Variants in GLIS3 observed in about 807,000 individuals in gnomAD.
GLIS3 encodes the protein GLIS family zinc finger 3, also known as zinc finger protein GLIS3.
GLIS3 carries 53 observed loss-of-function variants against 78.6 expected under a neutral mutation model. The ratio of observed to expected loss-of-function variants is 0.67; its 90% CI spans 0.54 to 0.85. GLIS3 has a LOEUF of 0.85. Ranked by LOEUF, GLIS3 falls within the 40% of genes least tolerant of loss-of-function variation. The pLI is 0.00. For synonymous variants in GLIS3, 684 were observed against 509.9 expected, an observed-to-expected ratio of 1.34 and a Z score of -4.60; for missense variants, 1,703 against 1,231.1, an observed-to-expected ratio of 1.38 and a Z score of -5.74.
chr9:4,437,740 C>T, the GLIS3 span, among the ~76,000 whole-genome samples: 1 of 152,158 alleles, frequency 6.6e-6, no homozygotes, highest in Non-Finnish European at 1.5e-5. Context: ...CAAGACCAAA[C>T]CCACCTCTTC....
intron 2 of GLIS3, among the ~76,000 whole-genome samples, chr9:4,254,024 C>T (rs1013485954): frequency 2.0e-5 from 3 of 152,198 alleles, no homozygotes; most frequent in Non-Finnish European, 4.4e-5. Context: ...TTGGGAGCTG[C>T]AGACCTGAGT....
intron 2 of GLIS3, among the ~76,000 whole-genome samples, chr9:4,203,154 A>C (rs988617648): frequency 1.3e-5 from 2 of 152,216 alleles, no homozygotes; most frequent in South Asian, 2.1e-4. Flanking sequence ...TTTACCAAAA[A>C]ATGGGCACAA....
chr9:4,359,184 G>A, the GLIS3 span, among the ~76,000 whole-genome samples: 8 of 152,004 alleles, frequency 5.3e-5, no homozygotes, highest in East Asian at 3.9e-4. Context: ...CACCCTAAAC[G>A]TTCAGGAACG....
intron 6 of GLIS3, among the ~76,000 whole-genome samples, chr9:3,910,098 A>G (rs905042567): frequency 6.6e-6 from 1 of 152,212 alleles, no homozygotes; most frequent in Non-Finnish European, 1.5e-5. Context: ...CATCATTTAA[A>G]AAGTTTTGCT....
chr9:4,247,245 A>T (rs1176880509), intron 2 of GLIS3, among the ~76,000 whole-genome samples: 1 of 152,200 alleles, frequency 6.6e-6, no homozygotes, highest in Non-Finnish European at 1.5e-5. Flanking sequence ...CAGACTCATC[A>T]AGCAGTTGTT....
At chr9:3,863,234 G>A (rs1820341540) in intron 8 of GLIS3, among the ~76,000 whole-genome samples, 1 of 152,168 alleles carries the variant, frequency 6.6e-6, no homozygotes, top group Non-Finnish European at 1.5e-5. Flanking sequence ...GGTGACTATA[G>A]TATCTACTTA....
At chr9:4,413,724 C>T in the GLIS3 span, among the ~76,000 whole-genome samples, 29 of 152,180 alleles carry the variant, frequency 1.9e-4, no homozygotes, top group African/African-American at 6.0e-4. Flanking sequence ...TCATTTGAGA[C>T]CCATGTTCCC....
At position 3,828,241 on chromosome 9, in the gene GLIS3, C is replaced by A; in HGVS notation, c.*31G>T. The A allele has an allele frequency of 1.9e-6, 3 of 1,613,718 alleles. No individual in the cohort carries two copies. On this transcript the variant is annotated 3_prime_UTR_variant, in exon 11 of 11. Coordinates refer to ENST00000381971, the MANE Select transcript of GLIS3 (RefSeq NM_001042413.2). ...AAAAGGTGGCAAGCAACATCAAGGT[C>A]CTGGGTGTGCAGGAGTGGCCAAGAG...
At chr9:4,074,673 T>G (rs1169303775) in intron 4 of GLIS3, among the ~76,000 whole-genome samples, 1 of 152,190 alleles carries the variant, frequency 6.6e-6, no homozygotes, top group African/African-American at 2.4e-5. Context: ...GAAGCCAAGT[T>G]TGGGGCCCCA....
chr9:4,254,645 G>A (rs1028855228), intron 2 of GLIS3, among the ~76,000 whole-genome samples: 2 of 152,022 alleles, frequency 1.3e-5, no homozygotes, highest in Non-Finnish European at 2.9e-5. Context: ...TTCAAGACCA[G>A]CCTGGCCAAC....
At chr9:4,262,999 C>T (rs1825666027) in intron 2 of GLIS3, among the ~76,000 whole-genome samples, 1 of 151,494 alleles carries the variant, frequency 6.6e-6, no homozygotes, top group Non-Finnish European at 1.5e-5. Context: ...CCCCAGGGTG[C>T]CTTCAGAGAA....
chr9:4,088,037 G>T (rs1336199498), intron 4 of GLIS3, among the ~76,000 whole-genome samples: 2 of 152,116 alleles, frequency 1.3e-5, no homozygotes, highest in Non-Finnish European at 2.9e-5. Context: ...TGCCATAGTC[G>T]AACTCAGCTC....
At chr9:3,984,305 C>A (rs1050280930) in intron 4 of GLIS3, among the ~76,000 whole-genome samples, 1 of 152,240 alleles carries the variant, frequency 6.6e-6, no homozygotes, top group African/African-American at 2.4e-5. Flanking sequence ...GGACGCTATA[C>A]CCCGCAAAGC....
intron 8 of GLIS3, among the ~76,000 whole-genome samples, chr9:3,856,593 CACAA>C (rs1379271455): frequency 6.6e-6 from 1 of 152,158 alleles, no homozygotes; most frequent in Non-Finnish European, 1.5e-5. Context: ...ACACTTAGCT[CACAA>C]ACATTTTGTT....
chr9:4,367,361 G>C, the GLIS3 span, among the ~76,000 whole-genome samples: 1 of 151,998 alleles, frequency 6.6e-6, no homozygotes, highest in Non-Finnish European at 1.5e-5. Context: ...ATCTGTCTAA[G>C]TCTTACATAT....
At chr9:4,388,560 C>T in the GLIS3 span, among the ~76,000 whole-genome samples, 1 of 152,104 alleles carries the variant, frequency 6.6e-6, no homozygotes, top group African/African-American at 2.4e-5. Context: ...CCTGTAATCC[C>T]AGCTACGCAG....
intron 4 of GLIS3, among the ~76,000 whole-genome samples, chr9:4,033,878 A>AAC (rs1161545987): frequency 3.5e-4 from 52 of 150,652 alleles, no homozygotes; most frequent in Non-Finnish European, 6.4e-4. Context: ...AAAAAAAAAA[A>AAC]AAAAAAAAAA....
At chr9:4,366,024 G>C in the GLIS3 span, among the ~76,000 whole-genome samples, 1 of 152,192 alleles carries the variant, frequency 6.6e-6, no homozygotes, top group Non-Finnish European at 1.5e-5. Flanking sequence ...AGCAGGGAAG[G>C]AAAGGCCGTT....
the GLIS3 span, among the ~76,000 whole-genome samples, chr9:4,466,058 A>G: frequency 9.2e-4 from 140 of 152,316 alleles, 1 homozygote; most frequent in African/African-American, 3.2e-3. Flanking sequence ...ACAAACTTCT[A>G]CCATACTGAT....
Sources: allele counts gnomAD v4.1 joint callset (sites outside exome capture counted in the v4.1 genomes callset), GRCh38; gene constraint gnomAD v4.1.1; transcripts MANE v1.5; gene names NCBI Gene and HGNC (gene_info 2026-07-23, HGNC 2026-07-21).